DENND1A: variants seen among roughly 807,000 people sequenced by gnomAD.
The protein encoded by DENND1A is DENN domain-containing protein 1A.
DENND1A carries 51 observed loss-of-function variants against 113.7 expected under a neutral mutation model. That is an observed-to-expected ratio of 0.45 (90% CI 0.36 to 0.57). The LOEUF (loss-of-function observed/expected upper bound fraction) is 0.57. DENND1A is among the 20% of genes least tolerant of loss of function. The pLI is 0.00. For missense variants in DENND1A, 1,258 were observed against 1,395.9 expected (o/e 0.90, Z 1.57); for synonymous variants, 565 against 570.8 (o/e 0.99, Z 0.14).
At chr9:123,794,275 G>C (rs1490843578) in intron 2 of DENND1A, among the ~76,000 whole-genome samples, 1 of 152,168 alleles carries the variant, frequency 6.6e-6, no homozygotes, top group Non-Finnish European at 1.5e-5. Flanking sequence ...AGGGGAAAGG[G>C]GGTGAACAAC....
chr9:123,822,933 A>C (rs1838715514), intron 2 of DENND1A, among the ~76,000 whole-genome samples: 1 of 152,210 alleles, frequency 6.6e-6, no homozygotes, highest in South Asian at 2.1e-4. Flanking sequence ...AAAAGAAGAG[A>C]ATATTACAAA....
chr9:123,649,302 T>C (rs1295402286), intron 9 of DENND1A, among the ~76,000 whole-genome samples: 2 of 152,214 alleles, frequency 1.3e-5, no homozygotes. Context: ...ATGTAAGTTA[T>C]ATTAATAGAT....
intron 10 of DENND1A, among the ~76,000 whole-genome samples, chr9:123,627,879 G>A (rs929492561): frequency 6.6e-6 from 1 of 152,180 alleles, no homozygotes; most frequent in African/African-American, 2.4e-5. Context: ...TGACACAGGT[G>A]TCACCCTGCT....
intron 11 of DENND1A, among the ~76,000 whole-genome samples, chr9:123,585,948 C>T (rs1056555016): frequency 6.6e-6 from 1 of 152,118 alleles, no homozygotes; most frequent in Non-Finnish European, 1.5e-5. Context: ...ATTATTACTA[C>T]TTTTTAATAC....
chr9:123,694,886 G>A (rs184135546), intron 5 of DENND1A, among the ~76,000 whole-genome samples: 185 of 152,258 alleles, frequency 1.2e-3, no homozygotes, highest in African/African-American at 3.9e-3. Context: ...ATTGATCCTG[G>A]GTGTGTCTGT....
intron 2 of DENND1A, among the ~76,000 whole-genome samples, chr9:123,832,468 T>C (rs1431720129): frequency 2.0e-5 from 3 of 152,224 alleles, no homozygotes; most frequent in African/African-American, 7.2e-5. Flanking sequence ...TGGCATTTTA[T>C]GCTAAACATA....
At chr9:123,535,477 C>CCCA (rs60138981) in intron 13 of DENND1A, among the ~76,000 whole-genome samples, 8,153 of 152,206 alleles carry the variant, frequency 0.054, 301 homozygotes, top group Admixed American at 0.086. Context: ...AACTCTCTTC[C>CCCA]CCAGCCCACA....
intron 1 of DENND1A, among the ~76,000 whole-genome samples, chr9:123,903,655 T>A (rs915293193): frequency 1.3e-5 from 2 of 152,142 alleles, no homozygotes; most frequent in South Asian, 2.1e-4. Context: ...AATATTGCGC[T>A]TTTCGGACCG....
At chr9:123,851,384 T>C (rs1429449090) in intron 2 of DENND1A, among the ~76,000 whole-genome samples, 3 of 152,254 alleles carry the variant, frequency 2.0e-5, no homozygotes, top group Non-Finnish European at 4.4e-5. Context: ...ATTACTACTA[T>C]TCTATGTATA....
At chr9:123,513,097 G>T (rs73577321) in intron 13 of DENND1A, among the ~76,000 whole-genome samples, 1,616 of 152,304 alleles carry the variant, frequency 0.011, 38 homozygotes, top group African/African-American at 0.037. Flanking sequence ...GTCATTCAAG[G>T]CCTGTTTACC....
At chr9:123,720,668 T>A (rs1232210530) in intron 5 of DENND1A, among the ~76,000 whole-genome samples, 1 of 152,228 alleles carries the variant, frequency 6.6e-6, no homozygotes, top group Admixed American at 6.5e-5. Context: ...GTTAACTTTA[T>A]CATTGCCAAC....
In DENND1A at chr9:123,913,181, T is replaced by C. The variant is rs554452035; in HGVS notation, c.17+16708A>G. Among the ~76,000 whole-genome samples, 43 of 148,288 alleles carry C rather than the reference T, an allele frequency of 2.9e-4. No homozygotes were observed. In the East Asian group the frequency reaches 8.6e-3, roughly 30 times the overall value. On this transcript the variant is annotated intron_variant, in intron 1 of 23. Coordinates refer to ENST00000394215, the MANE Select transcript of DENND1A (RefSeq NM_001352964.2). Reference sequence around the variant, plus strand: ...GAAATTTTGTCAACCTAGAACTCCATGCCCATACAAACTACTAATCCCCTG... The same window carrying C: ...GAAATTTTGTCAACCTAGAACTCCACGCCCATACAAACTACTAATCCCCTG...
chr9:123,528,846 A>G (rs1477675550), intron 13 of DENND1A, among the ~76,000 whole-genome samples: 8 of 152,178 alleles, frequency 5.3e-5, no homozygotes, highest in Non-Finnish European at 1.0e-4. Context: ...CACGGAGAAC[A>G]ACTTCAGTTT....
At chr9:123,506,039 A>G (rs931906072) in intron 13 of DENND1A, among the ~76,000 whole-genome samples, 2 of 151,882 alleles carry the variant, frequency 1.3e-5, no homozygotes, top group Non-Finnish European at 2.9e-5. Context: ...TTCACCAAAC[A>G]CCTCCGAGAG....
intron 13 of DENND1A, among the ~76,000 whole-genome samples, chr9:123,498,379 G>A (rs1382187598): frequency 6.6e-6 from 1 of 152,132 alleles, no homozygotes; most frequent in Non-Finnish European, 1.5e-5. Flanking sequence ...CAGCGTGCTG[G>A]TCAACAGCAG....
chr9:123,741,664 T>C (rs1011933905), intron 5 of DENND1A, among the ~76,000 whole-genome samples: 8 of 152,206 alleles, frequency 5.3e-5, no homozygotes, highest in Non-Finnish European at 1.0e-4. Flanking sequence ...ATGAGTAAAA[T>C]AGACAGATAT....
At chr9:123,562,127 T>G (rs888089839) in intron 12 of DENND1A, among the ~76,000 whole-genome samples, 1 of 152,184 alleles carries the variant, frequency 6.6e-6, no homozygotes, top group African/African-American at 2.4e-5. Flanking sequence ...AACCCTTCGG[T>G]GCCCCCGCCC....
intron 19 of DENND1A, among the ~76,000 whole-genome samples, chr9:123,438,427 A>G (rs973415750): frequency 6.6e-6 from 1 of 152,228 alleles, no homozygotes; most frequent in African/African-American, 2.4e-5. Flanking sequence ...CTTTCCAGAG[A>G]AAATAAATAG....
intron 13 of DENND1A, among the ~76,000 whole-genome samples, chr9:123,458,901 C>T (rs974877062): frequency 3.3e-5 from 5 of 152,046 alleles, no homozygotes; most frequent in Admixed American, 1.3e-4. Context: ...GCAGAGGTTG[C>T]GGTGAGCCAA....
Sources: gnomAD v4.1 joint callset for allele counts (sites outside exome capture counted in the v4.1 genomes callset) on GRCh38, gnomAD v4.1.1 for gene constraint, MANE v1.5 for transcripts, NCBI Gene and HGNC (gene_info 2026-07-23, HGNC 2026-07-21) for gene names.